Variants in SAC3D1 observed in about 807,000 individuals in gnomAD.
The protein encoded by SAC3D1 is SAC3 domain containing 1.
In SAC3D1, 10 loss-of-function variants were observed where a neutral mutation model predicts 12.7. The observed-to-expected ratio is 0.79, with a 90% CI of 0.49 to 1.34. The LOEUF is 1.34. Ranked by LOEUF, SAC3D1 falls within the 40% of genes most tolerant of loss-of-function variation. The probability of loss-of-function intolerance (pLI) is 0.00; values close to 1 mark genes in which losing one functional copy is unlikely to be tolerated. For missense variants in SAC3D1, 482 were observed against 531.1 expected (o/e 0.91, Z 0.91); for synonymous variants, 241 against 250.8 (o/e 0.96, Z 0.37).
chr11:65,042,646 A>G (rs534096550), intron 1 of SAC3D1, among the ~76,000 whole-genome samples: 10 of 151,992 alleles, frequency 6.6e-5, no homozygotes, highest in Admixed American at 5.9e-4. Flanking sequence ...GGTTCAGGCT[A>G]TTCGCCTGCG....
At position 65,044,280 on chromosome 11, in the gene SAC3D1, C is replaced by T; in HGVS notation, c.630C>T (p.Cys210=). The T allele has an allele frequency of 6.2e-7, 1 of 1,613,234 alleles. No homozygotes were observed. Among genetic ancestry groups the T allele is most frequent in the Middle Eastern group, 1.7e-4 (1 of 6,060 alleles). Residue 210 remains cysteine, a synonymous_variant, in exon 2 of 2, where the codon TGC becomes TGT. Coordinates refer to ENST00000652489, the MANE Select transcript of SAC3D1 (RefSeq NM_013299.4). The surrounding 1 kb of genome is among the most constrained non-coding windows in gnomAD (Gnocchi z 4.0). ...VLQLPAALRA[C]PPLRKALAVD... The stretch of plus-strand genomic sequence containing the variant: ...AGCTGCCTGCTGCCCTGCGCGCCTG[C>T]CCGCCCCTCCGCAAGGCCTTGGCGG...
chr11:65,041,155 T>A, upstream of SAC3D1: 1 of 859,652 alleles, frequency 1.2e-6, no homozygotes, highest in Non-Finnish European at 1.7e-6. Flanking sequence ...CCGGGGATCA[T>A]GGCGGGAAGG....
At position 65,041,679 on chromosome 11, in the gene SAC3D1, G is replaced by C; in HGVS notation, c.387G>C (p.Ala129=). 2.9e-6 allele frequency: 4 copies of C among 1,385,292 alleles called. No individual in the cohort carries two copies. 85.8% of individuals were successfully genotyped at this position (1,385,292 alleles called of 1,614,324 possible). ...AGGCAGCTGTGGTGCTGGAGGCGGC[G>C]CTGGCCACGCTGCTGACCGTAGTGG... The part of the protein sequence containing the change: ...DAEAAVVLEA[A]LATLLTVVAR... The change falls in exon 1 of 2, where the codon GCG becomes GCC. Residue 129 remains alanine, a synonymous_variant. Coordinates refer to ENST00000652489, the MANE Select transcript of SAC3D1 (RefSeq NM_013299.4).
chr11:65,041,961 ACCATTAGCCCCCTC>A, intron 1 of SAC3D1, 95 bp downstream of exon 1: 3 of 1,267,444 alleles, frequency 2.4e-6, no homozygotes, highest in Middle Eastern at 3.1e-4. Flanking sequence ...TTAACATCTC[ACCATTAGCCCCCTC>A]CCAGGACAGC....
chr11:65,041,678 C>T lies in SAC3D1; in HGVS notation c.386C>T (p.Ala129Val), dbSNP rs1341973511. 4 of 1,384,918 alleles carry T rather than the reference C, an allele frequency of 2.9e-6. No homozygotes were observed. Among genetic ancestry groups the T allele is most frequent in the Non-Finnish European group, 2.8e-6 (3 of 1,073,246 alleles). 85.8% of individuals were successfully genotyped at this position (1,384,918 alleles called of 1,614,324 possible). Residue 129 changes from alanine (A) to valine (V), a missense_variant, in exon 1 of 2, where the codon GCG becomes GTG. Around this residue, in one of 3 missense-constraint regions of SAC3D1, gnomAD observed 60 missense variants for 106.9 expected, o/e 0.56. Transcript: ENST00000652489. ...GAGGCAGCTGTGGTGCTGGAGGCGG[C>T]GCTGGCCACGCTGCTGACCGTAGTG... is the stretch of plus-strand genomic sequence containing the variant. The part of the protein sequence containing the change: ...DAEAAVVLEA[A>V]LATLLTVVAR...
At position 65,044,444 on chromosome 11, in the gene SAC3D1, T is replaced by G. The variant is rs767627795; in HGVS notation, c.794T>G (p.Phe265Cys). 4 of 1,613,800 alleles carry G rather than the reference T, an allele frequency of 2.5e-6. No individual in the cohort carries two copies. The African/African-American group carries it at 4.0e-5, about 16-fold the overall frequency. The change falls in exon 2 of 2, where the codon TTT (phenylalanine) becomes TGT (cysteine). Residue 265 changes from phenylalanine (F) to cysteine (C), a missense_variant. By Grantham distance (205) the Phe-to-Cys change is radical (BLOSUM62 -2). Coordinates refer to ENST00000652489, the MANE Select transcript of SAC3D1 (RefSeq NM_013299.4). This position sits in a 1 kb window ranked among gnomAD's most constrained non-coding sequence, Gnocchi z 4.0. ...REALARFARA[F>C]STPKGQTLPL... Reference sequence around the variant, plus strand: ...GCCCTGGCCCGCTTCGCTCGTGCCTTTAGCACCCCCAAGGGCCAGACCTTG... The same window carrying G: ...GCCCTGGCCCGCTTCGCTCGTGCCTGTAGCACCCCCAAGGGCCAGACCTTG...
intron 1 of SAC3D1, among the ~76,000 whole-genome samples, chr11:65,042,196 C>T (rs1946620457): frequency 6.6e-6 from 1 of 151,640 alleles, no homozygotes; most frequent in Non-Finnish European, 1.5e-5. Flanking sequence ...CTCCCTGGGT[C>T]AAGCGATTCT....
chr11:65,044,588 G>C lies in SAC3D1; in HGVS notation c.938G>C (p.Arg313Pro), dbSNP rs758781513. Residue 313 changes from arginine (R) to proline (P), a missense_variant, in exon 2 of 2, where the codon CGC (arginine) becomes CCC (proline). This residue lies in a region of SAC3D1 where 225 missense variants were observed against 241.1 expected (regional missense o/e 0.93). Coordinates refer to ENST00000652489, the MANE Select transcript of SAC3D1 (RefSeq NM_013299.4). The surrounding 1 kb of genome is among the most constrained non-coding windows in gnomAD (Gnocchi z 4.0). The part of the protein sequence containing the change: ...GEERVVFLRG[R>P]YVEEGLPPAS... ...GAGAGAGTTGTGTTCCTGAGGGGTC[G>C]CTACGTGGAGGAAGGGCTACCGCCT... 11 of 1,614,100 alleles carry C rather than the reference G, an allele frequency of 6.8e-6. No individual in the cohort carries two copies. The highest frequency in any genetic ancestry group is 9.3e-6 in the Non-Finnish European group (11 of 1,180,038).
intron 1 of SAC3D1, chr11:65,042,966 G>A: frequency 2.8e-6 from 1 of 363,054 alleles, no homozygotes; most frequent in Non-Finnish European, 5.6e-6. Flanking sequence ...CTTCCAAGTA[G>A]CTGGGACCAC....
At chr11:65,043,049 T>C (rs971424579) in intron 1 of SAC3D1, 4 of 447,784 alleles carry the variant, frequency 8.9e-6, no homozygotes, top group African/African-American at 4.0e-5. Context: ...ATGTTGCCAC[T>C]CGAATTCCTG....
Position 65,041,784 on chromosome 11 carries a change from G to A in SAC3D1, c.492G>A (p.Ser164=), listed in dbSNP as rs1289073059. Residue 164 remains serine (S), a synonymous_variant, in exon 1 of 2, where the codon TCG becomes TCA. Transcript: ENST00000652489. ...CCCAGGTGCAGGAGGGCTTCGGCTC[G>A]CTGCGGCGCTGCTACGCGCGGGGCG... ...LQAQVQEGFG[S]LRRCYARGAG... is the part of the protein sequence containing the mutation. 8 of 1,423,148 alleles carry A rather than the reference G, an allele frequency of 5.6e-6. No individual in the cohort carries two copies. In the East Asian group the frequency reaches 1.5e-4, roughly 27 times the overall value. 88.2% of individuals were successfully genotyped at this position (1,423,148 alleles called of 1,614,324 possible). A position where few individuals can be genotyped will look rare whatever the true frequency, so the allele number is the denominator to read the frequency against.
rs563437082 is a variant in SAC3D1 at position 65,044,584 on chromosome 11, G to T, written c.934G>T (p.Gly312Cys). ...AGAGGAGAGAGTTGTGTTCCTGAGG[G>T]GTCGCTACGTGGAGGAAGGGCTACC... ...DGEERVVFLR[G>C]RYVEEGLPPA... The change falls in exon 2 of 2, where the codon GGT becomes TGT. Residue 312 changes from glycine (G) to cysteine (C), a missense_variant. By Grantham distance (159) the Gly-to-Cys change is radical. Transcript: ENST00000652489. This position sits in a 1 kb window ranked among gnomAD's most constrained non-coding sequence, Gnocchi z 4.0. The T allele has an allele frequency of 5.3e-5, 86 of 1,614,128 alleles. No individual in the cohort carries two copies. The South Asian group carries it at 9.2e-4, about 17-fold the overall frequency.
At position 65,041,373 on chromosome 11, in the gene SAC3D1, C is replaced by T; in HGVS notation, c.81C>T (p.His27=). 1.3e-6 allele frequency: 2 copies of T among 1,511,672 alleles called. No homozygotes were observed. Among genetic ancestry groups the T allele is most frequent in the East Asian group, 2.6e-5 (1 of 38,326 alleles). The allele number at this position is 1,511,672 out of a possible 1,614,324, so 93.6% of individuals were successfully genotyped here. A position where few individuals can be genotyped will look rare whatever the true frequency, so the allele number is the denominator to read the frequency against. Residue 27 remains histidine (H), a synonymous_variant, in exon 1 of 2, where the codon CAC becomes CAT. Coordinates refer to ENST00000652489, the MANE Select transcript of SAC3D1 (RefSeq NM_013299.4). The part of the protein sequence containing the change: ...AAERAQRERE[H]RLHRLEVVPG... ...AGCGCGCCCAGCGCGAAAGGGAGCA[C>T]CGCCTGCACCGCTTGGAGGTGGTGC...
chr11:65,043,563 A>C (rs1590749991), intron 1 of SAC3D1, among the ~76,000 whole-genome samples: 1 of 135,402 alleles, frequency 7.4e-6, no homozygotes, highest in Non-Finnish European at 1.5e-5. Context: ...TGGAGATTGC[A>C]GTGAGCCAAG....
chr11:65,041,558 G>T lies in SAC3D1; in HGVS notation c.266G>T (p.Ser89Ile). Reference protein sequence around the residue: ...VRYLAGEVAESADIARAEVAS... With the variant: ...VRYLAGEVAEIADIARAEVAS... ...TACCTGGCCGGTGAGGTGGCGGAGA[G>T]CGCCGACATCGCCCGCGCCGAGGTG... Residue 89 changes from serine (S) to isoleucine (I), a missense_variant, in exon 1 of 2, where the codon AGC (serine) becomes ATC (isoleucine). Physicochemically the swap from Ser to Ile is moderately radical, Grantham distance 142. Transcript: ENST00000652489. The T allele has an allele frequency of 1.4e-6, 2 of 1,478,568 alleles. No homozygotes were observed. Among genetic ancestry groups the T allele is most frequent in the Non-Finnish European group, 1.8e-6 (2 of 1,120,386 alleles). The allele number at this position is 1,478,568 out of a possible 1,614,324, so 91.6% of individuals were successfully genotyped here.
At chr11:65,042,969 G>A (rs1399196076) in intron 1 of SAC3D1, 1 of 365,696 alleles carries the variant, frequency 2.7e-6, no homozygotes, top group African/African-American at 2.2e-5. Flanking sequence ...CCAAGTAGCT[G>A]GGACCACAGA....
At chr11:65,043,259 C>T in intron 1 of SAC3D1, 1 of 194,574 alleles carries the variant, frequency 5.1e-6, no homozygotes, top group Non-Finnish European at 1.1e-5. Flanking sequence ...GTAGTAGTGG[C>T]AGGACCATGA....
At chr11:65,040,948 G>A (rs1946580686), upstream of SAC3D1, 4 of 363,060 alleles carry the variant, frequency 1.1e-5, no homozygotes, top group South Asian at 1.2e-4. Flanking sequence ...TGTATCATGG[G>A]AGCGGCCCGG....
In SAC3D1 at chr11:65,041,530, C is replaced by T. The variant is rs1264426417; in HGVS notation, c.238C>T (p.Arg80Cys). ...RPPSVLLATV[R>C]YLAGEVAESA... Reference sequence around the variant, plus strand: ...GCCCTCCGTGCTGCTGGCCACCGTGCGCTACCTGGCCGGTGAGGTGGCGGA... The same window carrying T: ...GCCCTCCGTGCTGCTGGCCACCGTGTGCTACCTGGCCGGTGAGGTGGCGGA... Residue 80 changes from arginine (R) to cysteine (C), a missense_variant, in exon 1 of 2, where the codon CGC becomes TGC. This residue lies in a region of SAC3D1 where 197 missense variants were observed against 183.2 expected (regional missense o/e 1.08). Transcript: ENST00000652489. 3 of 1,466,892 alleles carry T rather than the reference C, an allele frequency of 2.0e-6. No homozygotes were observed. The highest frequency in any genetic ancestry group is 1.5e-5 in the African/African-American group (1 of 67,960). The allele number at this position is 1,466,892 out of a possible 1,614,324, so 90.9% of individuals were successfully genotyped here.
Sources: gnomAD v4.1 joint callset for allele counts (sites outside exome capture counted in the v4.1 genomes callset) on GRCh38, gnomAD v4.1.1 for gene constraint, gnomAD v4.1.1 regional missense constraint, Gnocchi (gnomAD v3.1) non-coding constraint, MANE v1.5 for transcripts, NCBI Gene and HGNC (gene_info 2026-07-23, HGNC 2026-07-21) for gene names.